AHCYL2: variants seen among roughly 807,000 people sequenced by gnomAD.
The protein encoded by AHCYL2 is S-adenosylhomocysteine hydrolase-like protein 2.
Under a neutral mutation model 81.4 loss-of-function variants are expected in AHCYL2, and 28 were observed. That is an observed-to-expected ratio of 0.34 (90% CI 0.25 to 0.47). AHCYL2 has a LOEUF of 0.47. AHCYL2 is among the 20% of genes least tolerant of loss of function. AHCYL2 has a pLI of 1.00. For missense variants in AHCYL2, 551 were observed against 785.1 expected (o/e 0.70, Z 3.56); for synonymous variants, 272 against 290.2 (o/e 0.94, Z 0.64).
At chr7:129,331,211 TATA>T (rs1798406697) in intron 1 of AHCYL2, among the ~76,000 whole-genome samples, 1 of 152,200 alleles carries the variant, frequency 6.6e-6, no homozygotes, top group African/African-American at 2.4e-5. Context: ...CGAACATTTT[TATA>T]CACCCTGATA....
chr7:129,391,558 T>C (rs1255661978), intron 4 of AHCYL2, among the ~76,000 whole-genome samples: 1 of 152,232 alleles, frequency 6.6e-6, no homozygotes, highest in Non-Finnish European at 1.5e-5. Context: ...CACAATTTTC[T>C]AGATCTCCTC....
intron 1 of AHCYL2, among the ~76,000 whole-genome samples, chr7:129,260,099 T>C (rs143763672): frequency 2.6e-4 from 39 of 151,464 alleles, no homozygotes; most frequent in African/African-American, 9.2e-4. Flanking sequence ...AAAAAGCTGA[T>C]ATAAGACAAA....
At chr7:129,402,048 T>C (rs923911032) in intron 6 of AHCYL2, among the ~76,000 whole-genome samples, 5 of 152,202 alleles carry the variant, frequency 3.3e-5, no homozygotes, top group African/African-American at 4.8e-5. Context: ...GCAACTACTG[T>C]CTCTAGTGGA....
intron 1 of AHCYL2, among the ~76,000 whole-genome samples, chr7:129,371,933 G>T (rs1794428912): frequency 6.6e-6 from 1 of 152,208 alleles, no homozygotes; most frequent in African/African-American, 2.4e-5. Context: ...CTACTTGGAA[G>T]TAGAGACAAA....
At chr7:129,263,203 G>C (rs1336941287) in intron 1 of AHCYL2, among the ~76,000 whole-genome samples, 5 of 152,164 alleles carry the variant, frequency 3.3e-5, no homozygotes, top group African/African-American at 4.8e-5. Flanking sequence ...TGCTCATACT[G>C]CATGTCCATT....
At chr7:129,277,903 T>C (rs1225560505) in intron 1 of AHCYL2, among the ~76,000 whole-genome samples, 1 of 152,228 alleles carries the variant, frequency 6.6e-6, no homozygotes, top group Non-Finnish European at 1.5e-5. Context: ...TCTGTGAACA[T>C]TTATTAGAGA....
rs35797517 is a variant in AHCYL2, at chr7:129,394,440, C to CTTTTTTTT, written c.721-2765_721-2758dup. On this transcript the variant is annotated intron_variant, in intron 4 of 16. Coordinates refer to ENST00000325006, the MANE Select transcript of AHCYL2 (RefSeq NM_015328.4). ...TTTTTTTCCTGGCATTTGTATTTGA[C>CTTTTTTTT]TTTTTTTTTTTTTTTTTTTTTTTTG... 6.8e-4 allele frequency among the ~76,000 whole-genome samples: 31 copies of CTTTTTTTT among 45,748 alleles called. 1 individual carries two copies. The highest frequency in any genetic ancestry group is 8.3e-4 in the East Asian group (1 of 1,198). 30.0% of individuals were successfully genotyped at this position (45,748 alleles called of 152,430 possible). A position where few individuals can be genotyped will look rare whatever the true frequency, so the allele number is the denominator to read the frequency against.
chr7:129,409,396 G>T, intron 10 of AHCYL2, 80 bp from the exon 11 acceptor site: 1 of 1,039,114 alleles, frequency 9.6e-7, no homozygotes. Context: ...ACAGCAACTT[G>T]ATATTAGCTT....
chr7:129,315,952 G>A (rs958333075), intron 1 of AHCYL2, among the ~76,000 whole-genome samples: 5 of 152,154 alleles, frequency 3.3e-5, no homozygotes, highest in East Asian at 1.9e-4. Context: ...TTTCAGAGGC[G>A]GAAGAGGAGA....
intron 1 of AHCYL2, among the ~76,000 whole-genome samples, chr7:129,337,585 G>C (rs1038651492): frequency 6.6e-6 from 1 of 151,856 alleles, no homozygotes. Context: ...TTTTAGCAGA[G>C]ACAGGGTTTC....
At chr7:129,293,635 C>A (rs1430971063) in intron 1 of AHCYL2, among the ~76,000 whole-genome samples, 1 of 151,656 alleles carries the variant, frequency 6.6e-6, no homozygotes, top group Non-Finnish European at 1.5e-5. Flanking sequence ...TCAAACCCCT[C>A]CCCCTAAAAA....
At chr7:129,377,708 C>A (rs1420506692) in intron 1 of AHCYL2, 6 of 420,856 alleles carry the variant, frequency 1.4e-5, no homozygotes, top group Admixed American at 5.7e-5. Flanking sequence ...ATTATACAAA[C>A]AGAGAAAACA....
chr7:129,288,363 A>AATTTT (rs1266876143), intron 1 of AHCYL2, among the ~76,000 whole-genome samples: 1 of 151,956 alleles, frequency 6.6e-6, no homozygotes, highest in Admixed American at 6.6e-5. Context: ...ATTTTAATTT[A>AATTTT]ATTTTATTTT....
intron 1 of AHCYL2, among the ~76,000 whole-genome samples, chr7:129,302,383 G>C (rs545617687): frequency 6.6e-6 from 1 of 152,194 alleles, no homozygotes; most frequent in Non-Finnish European, 1.5e-5. Context: ...CTCTAGCTAG[G>C]ACTTCCAGTA....
In AHCYL2 at chr7:129,380,730, A is replaced by G. The variant is rs149878150; in HGVS notation, c.475+981A>G. 5.3e-3 allele frequency among the ~76,000 whole-genome samples: 804 copies of G among 152,106 alleles called. 7 individuals are homozygous for G. The highest frequency in any genetic ancestry group is 0.019 in the African/African-American group (776 of 41,502). ...ATCTAAAGATACAGAATCTTGTACT[A>G]CCTTTTTTGTGGGGTAGCACAAGAT... On this transcript the variant is annotated intron_variant, in intron 2 of 16. Transcript: ENST00000325006.
At chr7:129,413,831 A>G (rs974553046) in intron 12 of AHCYL2, 143 bp downstream of exon 12, 14 of 651,574 alleles carry the variant, frequency 2.1e-5, no homozygotes, top group East Asian at 8.1e-5. Context: ...TACTAGCCCT[A>G]TAGCCTGTGT....
chr7:129,276,843 T>C (rs1347152500), intron 1 of AHCYL2, among the ~76,000 whole-genome samples: 4 of 151,678 alleles, frequency 2.6e-5, no homozygotes, highest in African/African-American at 4.8e-5. Flanking sequence ...CCTGCAAAGA[T>C]TAATCAGCAA....
intron 13 of AHCYL2, among the ~76,000 whole-genome samples, chr7:129,423,812 T>G (rs564712795): frequency 6.6e-6 from 1 of 152,208 alleles, no homozygotes; most frequent in Non-Finnish European, 1.5e-5. Context: ...TCACTTTATC[T>G]CATCTTCTCA....
intron 1 of AHCYL2, among the ~76,000 whole-genome samples, chr7:129,295,443 A>G (rs866721230): frequency 2.6e-5 from 4 of 152,370 alleles, no homozygotes; most frequent in African/African-American, 9.6e-5. Context: ...ACAAGTTCAT[A>G]GCATCTTGAA....
Sources: allele counts gnomAD v4.1 joint callset (sites outside exome capture counted in the v4.1 genomes callset), GRCh38; gene constraint gnomAD v4.1.1; transcripts MANE v1.5; gene names NCBI Gene and HGNC (gene_info 2026-07-23, HGNC 2026-07-21).